Variants in CDH13 observed in about 807,000 individuals in gnomAD.
CDH13 encodes the protein cadherin 13.
In CDH13, 24 loss-of-function variants were observed where a neutral mutation model predicts 63.8. That is an observed-to-expected ratio of 0.38 (90% confidence interval 0.27 to 0.53). The LOEUF is 0.53. Among genes scored for constraint, CDH13 ranks in the 20% least tolerant of loss-of-function variants. The probability of loss-of-function intolerance (pLI) is 0.85; values close to 1 mark genes in which losing one functional copy is unlikely to be tolerated. For missense variants in CDH13, 1,049 were observed against 903.1 expected (o/e 1.16, Z -2.07); for synonymous variants, 503 against 355.3 (o/e 1.42, Z -4.67).
Position 83,570,656 on chromosome 16 carries a change from T to G in CDH13, c.961-31798T>G, listed in dbSNP as rs896815551. Among the ~76,000 whole-genome samples the G allele has an allele frequency of 2.0e-5, 3 of 150,054 alleles. No individual in the cohort carries two copies. In the Admixed American group the frequency reaches 2.0e-4, roughly 10 times the overall value. ...AAGTCCATCCTAGTATTCCCAGAGA[T>G]TCTTTCTCATCCTTTTATATATATA... is the stretch of plus-strand genomic sequence containing the variant. On this transcript the variant is annotated intron_variant, in intron 7 of 13. Transcript: ENST00000567109.
chr16:83,704,516 C>T (rs890117821), intron 10 of CDH13, among the ~76,000 whole-genome samples: 2 of 152,128 alleles, frequency 1.3e-5, no homozygotes, highest in Admixed American at 1.3e-4. Flanking sequence ...GAGCAGGCAC[C>T]ACTCCCATAT....
intron 1 of CDH13, among the ~76,000 whole-genome samples, chr16:82,768,775 T>A (rs2035155395): frequency 2.0e-5 from 3 of 152,230 alleles, no homozygotes; most frequent in Non-Finnish European, 4.4e-5. Context: ...CTTGTTTCTT[T>A]GCTGTCTAAC....
At chr16:82,803,606 C>T (rs2036983765) in intron 1 of CDH13, among the ~76,000 whole-genome samples, 1 of 152,136 alleles carries the variant, frequency 6.6e-6, no homozygotes, top group African/African-American at 2.4e-5. Flanking sequence ...AATAATGAAA[C>T]TGTGGTATAT....
intron 3 of CDH13, among the ~76,000 whole-genome samples, chr16:83,034,893 G>C (rs560755928): frequency 1.3e-5 from 2 of 152,212 alleles, no homozygotes; most frequent in Non-Finnish European, 2.9e-5. Context: ...GCTTGCTGCT[G>C]TCTGTACGCA....
At chr16:83,760,480 C>A (rs1475811127) in intron 11 of CDH13, among the ~76,000 whole-genome samples, 1 of 152,192 alleles carries the variant, frequency 6.6e-6, no homozygotes, top group Non-Finnish European at 1.5e-5. Flanking sequence ...GTGATACATT[C>A]ACAAAATGGC....
intron 1 of CDH13, among the ~76,000 whole-genome samples, chr16:82,769,960 A>G (rs2035200486): frequency 6.6e-6 from 1 of 152,230 alleles, no homozygotes; most frequent in Admixed American, 6.5e-5. Flanking sequence ...AGATAACTGA[A>G]TTGGATTTTC....
Position 83,652,549 on chromosome 16 carries a change from GAAAGAGACAAGGCTCTCATTGTACCCCC to G in CDH13, c.1102-18240_1102-18213del, listed in dbSNP as rs148106106. 2.6e-3 allele frequency among the ~76,000 whole-genome samples: 402 copies of G among 152,242 alleles called. 5 individuals are homozygous for G. The highest frequency in any genetic ancestry group is 9.2e-3 in the African/African-American group (380 of 41,520). On this transcript the variant is annotated intron_variant, in intron 8 of 13. Coordinates refer to ENST00000567109, the MANE Select transcript of CDH13 (RefSeq NM_001257.5). Reference sequence around the variant, plus strand: ...TCCTCGTGGTTTAGCCAAAGGTTTTGAAAGAGACAAGGCTCTCATTGTACCCCCTCTTTACTGGCCCCTCATGCCATTC... The same window carrying G: ...TCCTCGTGGTTTAGCCAAAGGTTTTGTCTTTACTGGCCCCTCATGCCATTC...
intron 5 of CDH13, among the ~76,000 whole-genome samples, chr16:83,292,710 C>T (rs533178489): frequency 6.6e-6 from 1 of 152,216 alleles, no homozygotes; most frequent in East Asian, 1.9e-4. Flanking sequence ...AAAACAACAA[C>T]CATGATCAGG....
At chr16:83,690,328 C>G (rs1040337477) in intron 10 of CDH13, among the ~76,000 whole-genome samples, 2 of 152,146 alleles carry the variant, frequency 1.3e-5, no homozygotes, top group Non-Finnish European at 2.9e-5. Context: ...AGCCATCACT[C>G]TAGATAGAGG....
chr16:83,181,265 C>G (rs529208262), intron 4 of CDH13, among the ~76,000 whole-genome samples: 8 of 152,286 alleles, frequency 5.3e-5, no homozygotes, highest in African/African-American at 1.9e-4. Flanking sequence ...TGCAACGTGT[C>G]CCAACTTGAC....
chr16:82,648,590 C>T (rs761635435), intron 1 of CDH13, among the ~76,000 whole-genome samples: 41 of 152,048 alleles, frequency 2.7e-4, no homozygotes, highest in Non-Finnish European at 4.3e-4. Context: ...AAACAAGCCT[C>T]TAAATAAAGA....
At chr16:83,733,820 C>A (rs952968467) in intron 10 of CDH13, among the ~76,000 whole-genome samples, 13 of 152,212 alleles carry the variant, frequency 8.5e-5, no homozygotes, top group South Asian at 2.1e-4. Flanking sequence ...CCCTGGGAAA[C>A]TGATCACCTG....
intron 5 of CDH13, among the ~76,000 whole-genome samples, chr16:83,265,782 A>G (rs1907545663): frequency 9.4e-6 from 1 of 105,852 alleles, no homozygotes; most frequent in African/African-American, 3.9e-5. Flanking sequence ...AGGGTTGTTC[A>G]CATTCTTTGT....
intron 10 of CDH13, among the ~76,000 whole-genome samples, chr16:83,708,446 G>C (rs1180870919): frequency 6.6e-6 from 1 of 152,168 alleles, no homozygotes; most frequent in African/African-American, 2.4e-5. Flanking sequence ...CAACGCCCTT[G>C]GCTTACTCAC....
chr16:83,114,672 T>A (rs2151626887), intron 3 of CDH13, among the ~76,000 whole-genome samples: 1 of 152,318 alleles, frequency 6.6e-6, no homozygotes. Flanking sequence ...ACATGGAAAT[T>A]TAGGGAGCTT....
intron 6 of CDH13, among the ~76,000 whole-genome samples, chr16:83,395,053 C>T (rs28405591): frequency 0.12 from 17,642 of 149,428 alleles, 1,072 homozygotes; most frequent in East Asian, 0.2. Flanking sequence ...GAGCCTGAGA[C>T]AAGAGAATTG....
intron 1 of CDH13, among the ~76,000 whole-genome samples, chr16:82,657,595 G>C (rs1031166899): frequency 6.6e-6 from 1 of 152,180 alleles, no homozygotes; most frequent in South Asian, 2.1e-4. Flanking sequence ...ACTGTAGAAA[G>C]CAAACCTTGG....
At chr16:82,789,058 C>A (rs2036161334) in intron 1 of CDH13, among the ~76,000 whole-genome samples, 1 of 152,106 alleles carries the variant, frequency 6.6e-6, no homozygotes, top group Non-Finnish European at 1.5e-5. Flanking sequence ...CTTGTTATAC[C>A]ATAAAGATAA....
chr16:82,992,024 A>G lies in CDH13; in HGVS notation c.158-39986A>G, dbSNP rs80210903. 8.6e-3 allele frequency among the ~76,000 whole-genome samples: 1,315 copies of G among 152,280 alleles called. 13 individuals carry two copies. Among genetic ancestry groups the G allele is most frequent in the African/African-American group, 0.031 (1,281 of 41,554 alleles). ...ATAATTTCTAGCAAATTATATAATA[A>G]AAGTATGTTTCCACTGAAAGGAGCA... On this transcript the variant is annotated intron_variant, in intron 2 of 13. Coordinates refer to ENST00000567109, the MANE Select transcript of CDH13 (RefSeq NM_001257.5).
Sources: gnomAD v4.1 joint callset for allele counts (sites outside exome capture counted in the v4.1 genomes callset) on GRCh38, gnomAD v4.1.1 for gene constraint, MANE v1.5 for transcripts, NCBI Gene and HGNC (gene_info 2026-07-23, HGNC 2026-07-21) for gene names.